OCIAD1: variants seen among roughly 807,000 people sequenced by gnomAD.
OCIAD1 encodes OCIA domain containing 1.
In OCIAD1, 29 loss-of-function variants were observed where a neutral mutation model predicts 38.9. That is an observed-to-expected ratio of 0.74 (90% CI 0.55 to 1.02). OCIAD1 has a LOEUF of 1.02. OCIAD1 is among the 50% of genes least tolerant of loss of function. The pLI, the probability that OCIAD1 is intolerant of heterozygous loss-of-function variation, is 0.00. For synonymous variants in OCIAD1, 110 were observed against 92.0 expected, an observed-to-expected ratio of 1.20 and a Z score of -1.12; for missense variants, 288 against 289.6, an observed-to-expected ratio of 0.99 and a Z score of 0.04.
At chr4:48,839,591 AATT>A (rs1778339210) in intron 3 of OCIAD1, among the ~76,000 whole-genome samples, 1 of 152,170 alleles carries the variant, frequency 6.6e-6, no homozygotes, top group Non-Finnish European at 1.5e-5. Context: ...TAGCTCATGA[AATT>A]ATTATAGGGA....
intron 3 of OCIAD1, among the ~76,000 whole-genome samples, chr4:48,839,974 C>T (rs1778376825): frequency 6.6e-6 from 1 of 152,196 alleles, no homozygotes; most frequent in South Asian, 2.1e-4. Context: ...GAGCAAATGA[C>T]TTGTCTTTTC....
Position 48,855,829 on chromosome 4 carries a change from A to G in OCIAD1, c.548-1384A>G, listed in dbSNP as rs1579114194. On this transcript the variant is annotated intron_variant, in intron 7 of 8. Transcript: ENST00000264312. The stretch of plus-strand genomic sequence containing the variant: ...AGACTCTGTCTCAAAAAAAAAAAAA[A>G]AAGTTTATGGTTGAAAACATTATTT... 2.6e-5 allele frequency: 4 copies of G among 152,246 alleles called. No individual in the cohort carries two copies. The East Asian group carries it at 5.8e-4, about 22-fold the overall frequency. The allele number at this position is 152,246 out of a possible 1,614,324, so 9.4% of individuals were successfully genotyped here. A position where few individuals can be genotyped will look rare whatever the true frequency, so the allele number is the denominator to read the frequency against.
At chr4:48,860,501 T>A (rs1439366994) in intron 8 of OCIAD1, among the ~76,000 whole-genome samples, 2 of 152,164 alleles carry the variant, frequency 1.3e-5, no homozygotes, top group Non-Finnish European at 2.9e-5. Flanking sequence ...TAGAAGTTTG[T>A]TATGAGGACT....
At chr4:48,816,781 A>C (rs1777147662) in intron 1 of OCIAD1, among the ~76,000 whole-genome samples, 1 of 150,436 alleles carries the variant, frequency 6.6e-6, no homozygotes, top group Non-Finnish European at 1.5e-5. Flanking sequence ...GACCAGCCTG[A>C]CCAACATGGC....
At chr4:48,815,446 T>A (rs1430991462) in intron 1 of OCIAD1, among the ~76,000 whole-genome samples, 1 of 152,248 alleles carries the variant, frequency 6.6e-6, no homozygotes, top group Non-Finnish European at 1.5e-5. Flanking sequence ...GAAACTTCAT[T>A]TGCATGAAAC....
chr4:48,847,657 G>A (rs577668215), intron 4 of OCIAD1, among the ~76,000 whole-genome samples: 1 of 152,308 alleles, frequency 6.6e-6, no homozygotes, highest in Admixed American at 6.5e-5. Context: ...GGACTATGCT[G>A]CAGTGTTGTC....
At chr4:48,814,179 G>C (rs151334466) in intron 1 of OCIAD1, among the ~76,000 whole-genome samples, 1 of 151,698 alleles carries the variant, frequency 6.6e-6, no homozygotes, top group Non-Finnish European at 1.5e-5. Context: ...GGGACAGATG[G>C]TTCTCGGTTT....
At chr4:48,852,896 T>TG (rs1779656421) in intron 7 of OCIAD1, among the ~76,000 whole-genome samples, 1 of 149,618 alleles carries the variant, frequency 6.7e-6, no homozygotes, top group African/African-American at 2.5e-5. Context: ...TTTTTTTTTT[T>TG]TTTGAGATGG....
At chr4:48,813,322 G>A in intron 1 of OCIAD1, among the ~76,000 whole-genome samples, 1 of 152,274 alleles carries the variant, frequency 6.6e-6, no homozygotes, top group East Asian at 1.9e-4. Context: ...ACAAACAATT[G>A]TGATGTGGTA....
intron 1 of OCIAD1, among the ~76,000 whole-genome samples, chr4:48,822,568 T>C (rs1428485182): frequency 6.6e-6 from 1 of 152,184 alleles, no homozygotes; most frequent in Non-Finnish European, 1.5e-5. Flanking sequence ...CTGAAGAGCT[T>C]CTGCACAGCA....
At chr4:48,807,403 A>G (rs1303785217) in intron 1 of OCIAD1, among the ~76,000 whole-genome samples, 2 of 152,124 alleles carry the variant, frequency 1.3e-5, no homozygotes, top group Non-Finnish European at 2.9e-5. Flanking sequence ...TATTAGCAAT[A>G]TGAACTTCAG....
Position 48,832,601 on chromosome 4 carries a change from T to C in OCIAD1, c.-5-19T>C, listed in dbSNP as rs1560416050. The C allele has an allele frequency of 1.9e-6, 3 of 1,596,160 alleles. No individual in the cohort carries two copies. In the South Asian group the frequency reaches 3.3e-5, roughly 18 times the overall value. On this transcript the variant is annotated intron_variant, in intron 1 of 8. Coordinates refer to ENST00000264312, the MANE Select transcript of OCIAD1 (RefSeq NM_017830.4). ...TAGTGATAGTTTCTAATACTTAATA[T>C]GTAATGTTTTTGATACAGGAAAGAT...
intron 4 of OCIAD1, 58 bp downstream of exon 4, chr4:48,842,747 T>C (rs1472746329): frequency 6.5e-6 from 6 of 919,658 alleles, no homozygotes; most frequent in African/African-American, 1.7e-5. Flanking sequence ...TGTTTTGTGG[T>C]ATTTTCCAGG....
At chr4:48,845,746 G>A (rs1394135693) in intron 4 of OCIAD1, among the ~76,000 whole-genome samples, 1 of 152,170 alleles carries the variant, frequency 6.6e-6, no homozygotes, top group Non-Finnish European at 1.5e-5. Context: ...AGTGGTGTTA[G>A]TACTATCCAG....
At chr4:48,832,730 G>T (rs771230903) in intron 2 of OCIAD1, 48 bp downstream of exon 2, 3 of 1,422,942 alleles carry the variant, frequency 2.1e-6, no homozygotes, top group Admixed American at 3.3e-5. Flanking sequence ...CCTATGTAAA[G>T]GAATTTTCAC....
upstream of OCIAD1, among the ~76,000 whole-genome samples, chr4:48,827,867 G>T (rs553457422): frequency 6.6e-6 from 1 of 152,346 alleles, no homozygotes; most frequent in African/African-American, 2.4e-5. Context: ...GGGACTTGGA[G>T]AACTTTTATG....
At position 48,861,269 on chromosome 4, in the gene OCIAD1, T is replaced by G. The variant is rs552660377; in HGVS notation, c.*507T>G. 37 of 152,650 alleles carry G rather than the reference T, an allele frequency of 2.4e-4. No homozygotes were observed. Among genetic ancestry groups the G allele is most frequent in the African/African-American group, 8.9e-4 (37 of 41,584 alleles). 9.5% of individuals were successfully genotyped at this position (152,650 alleles called of 1,614,324 possible). ...TGCAACAGCCCTCATCTTCCTTGAT[T>G]TTATGGTTTTATTGTTTGTAATTTA... On this transcript the variant is annotated 3_prime_UTR_variant, in exon 9 of 9. Transcript: ENST00000264312.
intron 1 of OCIAD1, among the ~76,000 whole-genome samples, chr4:48,814,723 CTAGTACTT>C (rs1290504336): frequency 3.3e-5 from 5 of 152,106 alleles, no homozygotes; most frequent in African/African-American, 1.2e-4. Context: ...AAACTCCTTT[CTAGTACTT>C]TAAATCTTCA....
At chr4:48,833,542 T>G (rs1777722195) in intron 3 of OCIAD1, 61 bp downstream of exon 3, 2 of 1,066,392 alleles carry the variant, frequency 1.9e-6, no homozygotes, top group African/African-American at 1.6e-5. Context: ...AATTTTGACT[T>G]GAATTTGAAC....
Sources: allele counts gnomAD v4.1 joint callset (sites outside exome capture counted in the v4.1 genomes callset), GRCh38; gene constraint gnomAD v4.1.1; transcripts MANE v1.5; gene names NCBI Gene and HGNC (gene_info 2026-07-23, HGNC 2026-07-21).